Variants in ANKHD1 observed in about 807,000 individuals in gnomAD.
ANKHD1 encodes the protein ankyrin repeat and KH domain containing 1.
A neutral mutation model predicts 230.5 loss-of-function variants in ANKHD1; 31 were observed. The ratio of observed to expected loss-of-function variants is 0.13; its 90% CI spans 0.10 to 0.18. The LOEUF is 0.18. Ranked by LOEUF, ANKHD1 falls within the 10% of genes least tolerant of loss-of-function variation. The probability of loss-of-function intolerance (pLI) is 1.00; values close to 1 mark genes in which losing one functional copy is unlikely to be tolerated. For synonymous variants in ANKHD1, 1,074 were observed against 1,117.6 expected, an observed-to-expected ratio of 0.96 and a Z score of 0.78; for missense variants, 2,256 against 3,071.3, an observed-to-expected ratio of 0.73 and a Z score of 6.27.
At chr5:140,495,769 C>T (rs1412553219) in intron 14 of ANKHD1, among the ~76,000 whole-genome samples, 1 of 152,080 alleles carries the variant, frequency 6.6e-6, no homozygotes, top group Admixed American at 6.5e-5. Context: ...GCATGAGTAA[C>T]CCTAAATGGG....
rs1581388038 is a variant in ANKHD1, at chr5:140,537,526, A to G, written c.7165A>G (p.Thr2389Ala). ...GGSVAQAPAGTSFVAPVGHSG... is the reference protein window; with the variant it reads ...GGSVAQAPAGASFVAPVGHSG... ...GTCTGTTGCACAAGCCCCGGCGGGG[A>G]CCAGTTTTGTCGCTCCCGTTGGACA... is the stretch of plus-strand genomic sequence containing the variant. The change falls in exon 31 of 34, where the codon ACC becomes GCC. Residue 2389 changes from threonine to alanine, a missense_variant. Thr to Ala is a moderately conservative substitution (Grantham distance 58). Around this residue, in one of 13 missense-constraint regions of ANKHD1, gnomAD observed 778 missense variants for 966.5 expected, o/e 0.80. Transcript: ENST00000360839. The G allele has an allele frequency of 1.9e-6, 3 of 1,613,120 alleles. No individual in the cohort carries two copies. The highest frequency in any genetic ancestry group is 2.5e-6 in the Non-Finnish European group (3 of 1,179,586).
intron 1 of ANKHD1, among the ~76,000 whole-genome samples, chr5:140,414,923 G>A (rs982411488): frequency 6.6e-6 from 1 of 152,018 alleles, no homozygotes; most frequent in Non-Finnish European, 1.5e-5. Flanking sequence ...TCCCTTATCA[G>A]ATACATAATT....
intron 1 of ANKHD1, among the ~76,000 whole-genome samples, chr5:140,428,534 G>A (rs1466022939): frequency 2.6e-5 from 4 of 152,242 alleles, no homozygotes; most frequent in East Asian, 3.9e-4. Flanking sequence ...CACTCGGCAG[G>A]CTGAGGCAGG....
At chr5:140,538,313 A>G in intron 32 of ANKHD1, 52 bp downstream of exon 32, 1 of 1,599,112 alleles carries the variant, frequency 6.3e-7, no homozygotes, top group Non-Finnish European at 8.5e-7. Context: ...CAGCCAATGT[A>G]GTCACATTAA....
intron 17 of ANKHD1, 108 bp from the exon 18 acceptor site, chr5:140,505,616 T>C: frequency 7.0e-7 from 1 of 1,438,272 alleles, no homozygotes; most frequent in Non-Finnish European, 9.1e-7. Flanking sequence ...ATTATCAGTG[T>C]CTGCCCTGAA....
chr5:140,468,681 C>G (rs1033364868), intron 10 of ANKHD1, among the ~76,000 whole-genome samples: 1 of 152,078 alleles, frequency 6.6e-6, no homozygotes, highest in African/African-American at 2.4e-5. Flanking sequence ...AAAATATGTA[C>G]ATTTAATATA....
At chr5:140,477,123 G>GA (rs1175968296) in intron 10 of ANKHD1, among the ~76,000 whole-genome samples, 5 of 152,026 alleles carry the variant, frequency 3.3e-5, no homozygotes, top group Admixed American at 3.3e-4. Context: ...ACAGTGATGG[G>GA]AAAAAATTAT....
chr5:140,449,878 T>A (rs562158651), intron 7 of ANKHD1, among the ~76,000 whole-genome samples: 3 of 152,274 alleles, frequency 2.0e-5, no homozygotes, highest in South Asian at 4.1e-4. Flanking sequence ...AATAGCAAAT[T>A]GACCTCAAAA....
chr5:140,441,262 G>C lies in ANKHD1; in HGVS notation c.913+120G>C, dbSNP rs1209217454. On this transcript the variant is annotated intron_variant, in intron 5 of 33. Coordinates refer to ENST00000360839, the MANE Select transcript of ANKHD1 (RefSeq NM_017747.3). ...AACCTACAGAAAAATCTTAGCCCTT[G>C]TGTAGAATCTTTGAGTAAAATACAA... The C allele has an allele frequency of 2.3e-6, 3 of 1,279,550 alleles. No individual in the cohort carries two copies. In the South Asian group the frequency reaches 6.2e-5, roughly 27 times the overall value. 79.3% of individuals were successfully genotyped at this position (1,279,550 alleles called of 1,614,324 possible).
intron 14 of ANKHD1, among the ~76,000 whole-genome samples, chr5:140,491,160 ATTT>A (rs1222038703): frequency 2.4e-3 from 111 of 45,630 alleles, no homozygotes; most frequent in African/African-American, 9.8e-3. Flanking sequence ...ATATATATAT[ATTT>A]TTTTTTTTTT....
chr5:140,447,650 G>A (rs1774396675), intron 6 of ANKHD1, among the ~76,000 whole-genome samples: 1 of 152,156 alleles, frequency 6.6e-6, no homozygotes, highest in African/African-American at 2.4e-5. Context: ...GCCGTTTAGG[G>A]CTAGTATGGC....
intron 28 of ANKHD1, 56 bp from the exon 29 acceptor site, chr5:140,528,128 C>CTT (rs869281157): frequency 2.8e-4 from 389 of 1,380,982 alleles, no homozygotes; most frequent in South Asian, 1.1e-3. Flanking sequence ...TTAAGATTAC[C>CTT]TTTTTTTTTT....
Position 140,402,099 on chromosome 5 carries a change from G to A in ANKHD1, c.132G>A (p.Val44=), listed in dbSNP as rs750180420. Residue 44 remains valine (V), a synonymous_variant, in exon 1 of 34, where the codon GTG becomes GTA. Transcript: ENST00000360839. ...PGGVGLGIRT[V]RLFGEAGPAS... is the part of the protein sequence containing the mutation. ...GGGTCGGTCTGGGGATCCGCACCGT[G>A]AGGCTCTTTGGGGAGGCCGGGCCAG... 7.2e-6 allele frequency: 11 copies of A among 1,524,968 alleles called. No homozygotes were observed. Among genetic ancestry groups the A allele is most frequent in the Middle Eastern group, 3.5e-4 (2 of 5,644 alleles). 94.5% of individuals were successfully genotyped at this position (1,524,968 alleles called of 1,614,324 possible).
chr5:140,537,330 G>C (rs746551034), intron 30 of ANKHD1, 59 bp from the exon 31 acceptor site: 87 of 1,554,186 alleles, frequency 5.6e-5, no homozygotes, highest in Middle Eastern at 1.7e-4. Flanking sequence ...GAAATATTTT[G>C]CCACCAGGTG....
At chr5:140,514,139 T>C (rs929844191) in intron 24 of ANKHD1, among the ~76,000 whole-genome samples, 1 of 149,604 alleles carries the variant, frequency 6.7e-6, no homozygotes, top group Admixed American at 6.7e-5. Flanking sequence ...GAGCCATAAT[T>C]ACACACTGCA....
At chr5:140,536,108 T>C (rs1754058322) in intron 30 of ANKHD1, among the ~76,000 whole-genome samples, 1 of 151,950 alleles carries the variant, frequency 6.6e-6, no homozygotes, top group East Asian at 1.9e-4. Flanking sequence ...GATTGATTGA[T>C]TGAGATAGAG....
chr5:140,440,316 T>C lies in ANKHD1; in HGVS notation c.765+50T>C. 1.9e-6 allele frequency: 3 copies of C among 1,563,502 alleles called. No individual in the cohort carries two copies. The South Asian group carries it at 3.6e-5, about 19-fold the overall frequency. On this transcript the variant is annotated intron_variant, in intron 4 of 33. Transcript: ENST00000360839. ...TTAAAATTGTGGAAGGGTTTTGATG[T>C]TTTATTTATTTTTGTCACTTATAAG...
intron 1 of ANKHD1, among the ~76,000 whole-genome samples, chr5:140,413,412 ATTG>A (rs1211792546): frequency 2.0e-5 from 3 of 152,170 alleles, no homozygotes; most frequent in African/African-American, 4.8e-5. Flanking sequence ...GTGTATTTAC[ATTG>A]TTGTGCAACC....
intron 24 of ANKHD1, among the ~76,000 whole-genome samples, chr5:140,522,434 A>G (rs1753393826): frequency 6.6e-6 from 1 of 152,206 alleles, no homozygotes; most frequent in South Asian, 2.1e-4. Flanking sequence ...GATTGTAAGC[A>G]ACCTTTTCTT....
Sources: gnomAD v4.1 joint callset for allele counts (sites outside exome capture counted in the v4.1 genomes callset) on GRCh38, gnomAD v4.1.1 for gene constraint, gnomAD v4.1.1 regional missense constraint, MANE v1.5 for transcripts, NCBI Gene and HGNC (gene_info 2026-07-23, HGNC 2026-07-21) for gene names.